RAB3C: variants seen among roughly 807,000 people sequenced by gnomAD.
RAB3C encodes ras-related protein Rab-3C.
In RAB3C, 17 loss-of-function variants were observed where a neutral mutation model predicts 26.4. The observed-to-expected ratio is 0.64, with a 90% CI of 0.44 to 0.97. The LOEUF (loss-of-function observed/expected upper bound fraction) is 0.97. RAB3C is among the 50% of genes least tolerant of loss of function. RAB3C has a pLI of 0.00. For synonymous variants in RAB3C, 91 were observed against 95.9 expected, an observed-to-expected ratio of 0.95 and a Z score of 0.30; for missense variants, 242 against 281.9, an observed-to-expected ratio of 0.86 and a Z score of 1.01.
chr5:58,760,415 T>G (rs1741773202), intron 3 of RAB3C, among the ~76,000 whole-genome samples: 1 of 152,164 alleles, frequency 6.6e-6, no homozygotes, highest in South Asian at 2.1e-4. Context: ...AATGGGAAGT[T>G]TAAAAGTGCC....
At chr5:58,830,879 C>CTT (rs5868141) in intron 4 of RAB3C, among the ~76,000 whole-genome samples, 1 of 150,506 alleles carries the variant, frequency 6.6e-6, no homozygotes. Flanking sequence ...CGCAATAGGT[C>CTT]TTTTTTTTTT....
chr5:58,711,723 G>T (rs1749065869), intron 2 of RAB3C, among the ~76,000 whole-genome samples: 1 of 151,942 alleles, frequency 6.6e-6, no homozygotes, highest in Admixed American at 6.6e-5. Flanking sequence ...ACTTGCCCAG[G>T]GTCATATAAC....
chr5:58,706,458 A>G (rs1227394914), intron 2 of RAB3C, among the ~76,000 whole-genome samples: 2 of 152,232 alleles, frequency 1.3e-5, no homozygotes, highest in East Asian at 3.8e-4. Context: ...GTTGTAATAT[A>G]ATGAGAATAT....
chr5:58,703,151 C>T (rs1748881607), intron 2 of RAB3C, among the ~76,000 whole-genome samples: 1 of 152,108 alleles, frequency 6.6e-6, no homozygotes, highest in African/African-American at 2.4e-5. Context: ...TTGGACTCTC[C>T]TGATGAATAA....
intron 3 of RAB3C, among the ~76,000 whole-genome samples, chr5:58,761,065 A>T (rs2431416): frequency 0.24 from 23,470 of 97,380 alleles, 1,819 homozygotes; most frequent in East Asian, 0.35. Context: ...TCTCTCTCTC[A>T]CACACACACA....
intron 2 of RAB3C, among the ~76,000 whole-genome samples, chr5:58,719,243 A>G (rs75106118): frequency 0.024 from 3,613 of 152,158 alleles, 131 homozygotes; most frequent in African/African-American, 0.082. Context: ...AGAGAAATAG[A>G]TATCTAGTTT....
At chr5:58,711,783 ATCC>A (rs1051661508) in intron 2 of RAB3C, among the ~76,000 whole-genome samples, 9 of 152,040 alleles carry the variant, frequency 5.9e-5, no homozygotes, top group Non-Finnish European at 1.3e-4. Flanking sequence ...CAGATTGTGG[ATCC>A]TCCTCTGGAA....
intron 2 of RAB3C, among the ~76,000 whole-genome samples, chr5:58,697,349 G>C (rs904817097): frequency 6.6e-6 from 1 of 152,128 alleles, no homozygotes; most frequent in Non-Finnish European, 1.5e-5. Context: ...CCAATTATGT[G>C]GTCAATTTTA....
intron 3 of RAB3C, among the ~76,000 whole-genome samples, chr5:58,759,643 G>A (rs1741750887): frequency 6.6e-6 from 1 of 152,220 alleles, no homozygotes; most frequent in South Asian, 2.1e-4. Context: ...TTAGAAAGGA[G>A]GATGGAGTGG....
At chr5:58,659,371 T>C (rs1184750514) in intron 2 of RAB3C, among the ~76,000 whole-genome samples, 2 of 152,232 alleles carry the variant, frequency 1.3e-5, no homozygotes. Flanking sequence ...TTTGAGAATA[T>C]GCCTGGCACA....
At chr5:58,791,105 A>C (rs1313095901) in intron 3 of RAB3C, among the ~76,000 whole-genome samples, 2 of 151,556 alleles carry the variant, frequency 1.3e-5, no homozygotes, top group Non-Finnish European at 2.9e-5. Context: ...GCTTACTCTC[A>C]GTCAAGCCCT....
At chr5:58,686,323 A>T (rs929588014) in intron 2 of RAB3C, among the ~76,000 whole-genome samples, 9 of 152,104 alleles carry the variant, frequency 5.9e-5, no homozygotes, top group African/African-American at 1.9e-4. Flanking sequence ...ATTTAGATAC[A>T]CTAGTATCCT....
chr5:58,758,519 C>T lies in RAB3C; in HGVS notation c.371+32399C>T, dbSNP rs369707160. On this transcript the variant is annotated intron_variant, in intron 3 of 4. Transcript: ENST00000282878. ...ATATTTTTTAATACGCATGTTAAAC[C>T]CTTAATTCATTTCTTCAATAGATCT... Among the ~76,000 whole-genome samples the T allele has an allele frequency of 1.1e-3, 170 of 152,158 alleles. 3 individuals are homozygous for T. The South Asian group carries it at 0.016, about 14-fold the overall frequency.
intron 3 of RAB3C, among the ~76,000 whole-genome samples, chr5:58,800,455 T>TA (rs1250529492): frequency 6.6e-6 from 1 of 152,220 alleles, no homozygotes; most frequent in African/African-American, 2.4e-5. Flanking sequence ...TTCTATAGGC[T>TA]AGTACTTCCC....
At chr5:58,797,734 C>T (rs954803395) in intron 3 of RAB3C, among the ~76,000 whole-genome samples, 1 of 152,010 alleles carries the variant, frequency 6.6e-6, no homozygotes, top group African/African-American at 2.4e-5. Context: ...TCATTTAGAG[C>T]TCCAAGAAAG....
rs547706634 is a variant in RAB3C, at chr5:58,854,240, T to G, written c.*2889T>G. The stretch of plus-strand genomic sequence containing the variant: ...TCTCTTGTCTTTGATTTAATTAAAT[T>G]AGTGTTTTAAGTATGAATTTATTTT... On this transcript the variant is annotated 3_prime_UTR_variant, in exon 5 of 5. Coordinates refer to ENST00000282878, the MANE Select transcript of RAB3C (RefSeq NM_138453.4). 3.3e-5 allele frequency: 5 copies of G among 152,322 alleles called. No homozygotes were observed. The South Asian group carries it at 8.3e-4, about 25-fold the overall frequency. The allele number at this position is 152,322 out of a possible 1,614,324, so 9.4% of individuals were successfully genotyped here.
chr5:58,614,984 T>C (rs889095219), intron 1 of RAB3C, among the ~76,000 whole-genome samples: 4 of 152,144 alleles, frequency 2.6e-5, no homozygotes, highest in African/African-American at 9.7e-5. Context: ...CAGGAGAATA[T>C]GCATAAGTCA....
chr5:58,831,299 C>G (rs1323198637), intron 4 of RAB3C, among the ~76,000 whole-genome samples: 1 of 152,188 alleles, frequency 6.6e-6, no homozygotes, highest in African/African-American at 2.4e-5. Flanking sequence ...TTTCAGTGAT[C>G]CACACAATCC....
At chr5:58,827,677 T>C (rs564399854) in intron 4 of RAB3C, among the ~76,000 whole-genome samples, 1 of 152,304 alleles carries the variant, frequency 6.6e-6, no homozygotes, top group African/African-American at 2.4e-5. Context: ...TTCTAATTGA[T>C]TTTTTGCTCT....
Sources: allele counts gnomAD v4.1 joint callset (sites outside exome capture counted in the v4.1 genomes callset), GRCh38; gene constraint gnomAD v4.1.1; transcripts MANE v1.5; gene names NCBI Gene and HGNC (gene_info 2026-07-23, HGNC 2026-07-21).